Variants in CLTA observed in about 807,000 individuals in gnomAD.
CLTA encodes the protein clathrin light chain A.
CLTA carries 9 observed loss-of-function variants against 26.9 expected under a neutral mutation model. That is an observed-to-expected ratio of 0.33 (90% confidence interval 0.20 to 0.58). CLTA has a LOEUF of 0.58. Among genes scored for constraint, CLTA ranks in the 20% least tolerant of loss-of-function variants. CLTA has a pLI of 0.85. For missense variants in CLTA, 278 were observed against 294.2 expected (o/e 0.94, Z 0.40); for synonymous variants, 120 against 115.5 (o/e 1.04, Z -0.25).
In CLTA at chr9:36,206,239, G is replaced by A. The variant is rs566158159; in HGVS notation, c.485+2060G>A. ...CACTGCTCACTGAGAATGTAGAGCTGCTTAGGAAGCAGGTCACTTGCCTTG... is the reference window on the plus strand; with the variant it reads ...CACTGCTCACTGAGAATGTAGAGCTACTTAGGAAGCAGGTCACTTGCCTTG... On this transcript the variant is annotated intron_variant, in intron 4 of 4. Transcript: ENST00000345519. Among the ~76,000 whole-genome samples the A allele has an allele frequency of 3.9e-5, 6 of 152,288 alleles. No individual in the cohort carries two copies. The South Asian group carries it at 1.2e-3, about 32-fold the overall frequency.
intron 4 of CLTA, 140 bp downstream of exon 4, chr9:36,204,319 T>C: frequency 1.1e-6 from 1 of 902,520 alleles, no homozygotes; most frequent in Non-Finnish European, 1.7e-6. Flanking sequence ...TTGAAACAGG[T>C]TGCAAGTCTC....
chr9:36,208,276 G>A (rs1009512884), intron 4 of CLTA, among the ~76,000 whole-genome samples: 1 of 152,026 alleles, frequency 6.6e-6, no homozygotes, highest in African/African-American at 2.4e-5. Flanking sequence ...GGACAACAGA[G>A]TCAAAGCCAG....
intron 2 of CLTA, 29 bp from the exon 3 acceptor site, chr9:36,198,950 A>G: frequency 6.8e-7 from 1 of 1,481,232 alleles, no homozygotes; most frequent in South Asian, 1.1e-5. Flanking sequence ...TTTTGGTATT[A>G]ATATAGCACA....
chr9:36,207,567 C>T (rs748642645), intron 4 of CLTA, among the ~76,000 whole-genome samples: 2 of 152,232 alleles, frequency 1.3e-5, no homozygotes, highest in African/African-American at 2.4e-5. Context: ...CTAAGCCTCC[C>T]TGAGCCCCTT....
chr9:36,206,831 G>A (rs951387305), intron 4 of CLTA, among the ~76,000 whole-genome samples: 3 of 152,094 alleles, frequency 2.0e-5, no homozygotes, highest in African/African-American at 7.2e-5. Flanking sequence ...GGAGGCAGAG[G>A]TTGCAGTGAG....
chr9:36,195,963 G>A (rs1056830769), intron 1 of CLTA, among the ~76,000 whole-genome samples: 32 of 150,576 alleles, frequency 2.1e-4, no homozygotes, highest in African/African-American at 7.1e-4. Context: ...GTGAGACTCC[G>A]TCTCAAAAAA....
At chr9:36,211,506 A>G in intron 4 of CLTA, 97 bp from the exon 5 acceptor site, 3 of 1,467,284 alleles carry the variant, frequency 2.0e-6, no homozygotes, top group Non-Finnish European at 2.8e-6. Flanking sequence ...TGTCATTAAG[A>G]AAGGGACAAA....
intron 4 of CLTA, among the ~76,000 whole-genome samples, chr9:36,206,596 T>A (rs1395657801): frequency 6.6e-6 from 1 of 152,122 alleles, no homozygotes; most frequent in Non-Finnish European, 1.5e-5. Context: ...TGAATATTTT[T>A]AGAAAAGAAA....
intron 4 of CLTA, among the ~76,000 whole-genome samples, chr9:36,208,521 T>A (rs1015113900): frequency 1.3e-5 from 2 of 152,184 alleles, no homozygotes; most frequent in Non-Finnish European, 2.9e-5. Flanking sequence ...CCAGTGTTCT[T>A]CCCACCAGAC....
chr9:36,191,404 G>A, intron 1 of CLTA, 131 bp downstream of exon 1: 1 of 1,099,620 alleles, frequency 9.1e-7, no homozygotes. Context: ...AACAGGAAAC[G>A]AGACCCTGGC....
chr9:36,195,506 G>A (rs960517109), intron 1 of CLTA, among the ~76,000 whole-genome samples: 1 of 151,994 alleles, frequency 6.6e-6, no homozygotes, highest in Non-Finnish European at 1.5e-5. Flanking sequence ...GCCACCATGA[G>A]TTTGTTTTTT....
At chr9:36,191,604 A>G (rs1330649511) in intron 1 of CLTA, among the ~76,000 whole-genome samples, 1 of 152,220 alleles carries the variant, frequency 6.6e-6, no homozygotes, top group South Asian at 2.1e-4. Context: ...AAGCAACCGC[A>G]TTGGCGCAGT....
intron 3 of CLTA, among the ~76,000 whole-genome samples, chr9:36,202,726 A>G (rs569639587): frequency 4.6e-5 from 7 of 152,344 alleles, no homozygotes; most frequent in African/African-American, 7.2e-5. Flanking sequence ...TTAGATGTCT[A>G]TAAAACACCT....
intron 2 of CLTA, among the ~76,000 whole-genome samples, chr9:36,197,995 G>GTTT (rs1827152701): frequency 8.3e-6 from 1 of 119,812 alleles, no homozygotes. Flanking sequence ...ATTTATTTGA[G>GTTT]TCTTTTTTTT....
intron 3 of CLTA, among the ~76,000 whole-genome samples, chr9:36,201,754 G>T (rs1587227663): frequency 6.6e-6 from 1 of 152,148 alleles, no homozygotes; most frequent in East Asian, 1.9e-4. Flanking sequence ...GCTTCTCATT[G>T]CAGCATAGCT....
chr9:36,209,598 G>A (rs1279543289), intron 4 of CLTA, among the ~76,000 whole-genome samples: 1 of 152,048 alleles, frequency 6.6e-6, no homozygotes, highest in Admixed American at 6.5e-5. Context: ...ATCTTATCTG[G>A]GAACGGTTTG....
At chr9:36,205,229 C>G (rs965870856) in intron 4 of CLTA, among the ~76,000 whole-genome samples, 1 of 152,134 alleles carries the variant, frequency 6.6e-6, no homozygotes, top group Non-Finnish European at 1.5e-5. Context: ...CCTCTGGGGG[C>G]GGTGTGCTCA....
intron 1 of CLTA, among the ~76,000 whole-genome samples, chr9:36,194,816 C>T (rs1826931225): frequency 6.6e-6 from 1 of 152,332 alleles, no homozygotes; most frequent in African/African-American, 2.4e-5. Context: ...TGCATGTTTC[C>T]ACAGCAACAG....
intron 1 of CLTA, among the ~76,000 whole-genome samples, chr9:36,195,967 C>T (rs1827004084): frequency 6.6e-6 from 1 of 150,566 alleles, no homozygotes; most frequent in African/African-American, 2.4e-5. Flanking sequence ...GACTCCGTCT[C>T]AAAAAAAATA....
Sources: allele counts gnomAD v4.1 joint callset (sites outside exome capture counted in the v4.1 genomes callset), GRCh38; gene constraint gnomAD v4.1.1; transcripts MANE v1.5; gene names NCBI Gene and HGNC (gene_info 2026-07-23, HGNC 2026-07-21).